Variants in DRAM2 observed in about 807,000 individuals in gnomAD.
DRAM2 encodes the protein DNA damage-regulated autophagy modulator protein 2.
A neutral mutation model predicts 33.5 loss-of-function variants in DRAM2; 26 were observed. That is an observed-to-expected ratio of 0.78 (90% CI 0.57 to 1.08). The LOEUF (loss-of-function observed/expected upper bound fraction) is 1.08, where lower values mean the gene tolerates loss of function less well. DRAM2 is among the 50% of genes least tolerant of loss of function. DRAM2 has a pLI of 0.00. For missense variants in DRAM2, 311 were observed against 318.1 expected, an observed-to-expected ratio of 0.98 and a Z score of 0.17; for synonymous variants, 98 against 109.5, an observed-to-expected ratio of 0.89 and a Z score of 0.66.
chr1:111,133,569 A>G (rs1397132769), intron 3 of DRAM2, among the ~76,000 whole-genome samples: 1 of 152,218 alleles, frequency 6.6e-6, no homozygotes, highest in Non-Finnish European at 1.5e-5. Flanking sequence ...TTACAAAAGC[A>G]AACACCTAGC....
At chr1:111,120,769 A>G (rs995652736) in intron 6 of DRAM2, 76 bp from the exon 7 acceptor site, 5 of 1,317,490 alleles carry the variant, frequency 3.8e-6, no homozygotes, top group Middle Eastern at 2.2e-4. Flanking sequence ...TAAAAGCACA[A>G]CCCAGAGATT....
At chr1:111,138,877 T>C (rs1158054566) in intron 2 of DRAM2, among the ~76,000 whole-genome samples, 1 of 152,234 alleles carries the variant, frequency 6.6e-6, no homozygotes, top group Admixed American at 6.5e-5. Context: ...TTACAATTTT[T>C]TAACAAATAT....
rs373493136 is a variant in DRAM2 at position 111,126,241 on chromosome 1, A to G, written c.185T>C (p.Ile62Thr). 18 of 1,610,362 alleles carry G rather than the reference A, an allele frequency of 1.1e-5. No homozygotes were observed. The highest frequency in any genetic ancestry group is 2.2e-5 in the South Asian group (2 of 90,862). The change falls in exon 5 of 10, where the codon ATT becomes ACT. Residue 62 changes from isoleucine to threonine, a missense_variant. Ile to Thr is a moderately conservative substitution (Grantham distance 89). Coordinates refer to ENST00000484310, the MANE Select transcript of DRAM2 (RefSeq NM_001349884.2). Reference sequence around the variant, plus strand: ...TCATTACTTACATAAAACTGCCGCAATATTTAGCATTGCCCCAAATAAGCA... The same window carrying G: ...TCATTACTTACATAAAACTGCCGCAGTATTTAGCATTGCCCCAAATAAGCA... ...EKCLFGAMLN[I>T]AAVLCIATIY...
chr1:111,132,826 T>C (rs1652374800), intron 3 of DRAM2, among the ~76,000 whole-genome samples: 1 of 151,518 alleles, frequency 6.6e-6, no homozygotes, highest in Non-Finnish European at 1.5e-5. Context: ...GGACCACAAG[T>C]AACGCACCAC....
chr1:111,135,807 C>T (rs1046273623), intron 3 of DRAM2, among the ~76,000 whole-genome samples: 8 of 152,180 alleles, frequency 5.3e-5, no homozygotes, highest in Non-Finnish European at 1.0e-4. Flanking sequence ...AAGATCCTTC[C>T]ACTTCTCTAC....
intron 6 of DRAM2, among the ~76,000 whole-genome samples, chr1:111,121,720 C>T (rs1435502252): frequency 6.6e-6 from 1 of 151,940 alleles, no homozygotes; most frequent in African/African-American, 2.4e-5. Context: ...GCAACCACAG[C>T]AATAAGAGAA....
intron 3 of DRAM2, among the ~76,000 whole-genome samples, chr1:111,136,096 T>G (rs952894886): frequency 6.6e-6 from 1 of 152,220 alleles, no homozygotes; most frequent in South Asian, 2.1e-4. Context: ...AACCATGTGA[T>G]TCTGACTTTC....
chr1:111,117,253 G>C lies in DRAM2; in HGVS notation c.*907C>G, dbSNP rs1328065627. 1 of 151,996 alleles carries C rather than the reference G, an allele frequency of 6.6e-6. No homozygotes were observed. Among genetic ancestry groups the C allele is most frequent in the Non-Finnish European group, 1.5e-5 (1 of 67,930 alleles). 9.4% of individuals were successfully genotyped at this position (151,996 alleles called of 1,614,324 possible). On this transcript the variant is annotated 3_prime_UTR_variant, in exon 10 of 10. Transcript: ENST00000484310. ...ACAAAGGTTACATCCTATTAAAAAG[G>C]CTCAATATTTACCTGTTCAAGACTA...
intron 4 of DRAM2, among the ~76,000 whole-genome samples, chr1:111,130,653 T>C (rs1651879239): frequency 1.3e-5 from 2 of 151,044 alleles, no homozygotes; most frequent in South Asian, 4.2e-4. Flanking sequence ...TGAGCCGAGA[T>C]TGTGCCACTG....
intron 1 of DRAM2, 118 bp downstream of exon 1, chr1:111,139,920 G>A (rs1571093024): frequency 6.6e-6 from 1 of 152,378 alleles, no homozygotes; most frequent in Non-Finnish European, 1.5e-5. Context: ...CGCGGGTAAG[G>A]GGGCTCCAGG....
Position 111,118,150 on chromosome 1 carries a change from T to A in DRAM2, c.*10A>T, listed in dbSNP as rs145474442. 1.1e-5 allele frequency: 18 copies of A among 1,603,440 alleles called. No individual in the cohort carries two copies. The African/African-American group carries it at 1.5e-4, about 13-fold the overall frequency. The stretch of plus-strand genomic sequence containing the variant: ...AATCATAATCATTACAGAAATATTT[T>A]ATCCTTTCATCAAATATCTCTGGAA... On this transcript the variant is annotated 3_prime_UTR_variant, in exon 10 of 10. Transcript: ENST00000484310.
chr1:111,131,516 TGAAG>T lies in DRAM2; in HGVS notation c.35_38del (p.Pro12GlnfsTer4). The stretch of plus-strand genomic sequence containing the variant: ...CAGCAGATGTCCAAATTACAAGGGC[TGAAG>T]GAAGGAAACTGAGGCCTTGCTGAAA... On this transcript the variant is annotated frameshift_variant, in exon 4 of 10. Coordinates refer to ENST00000484310, the MANE Select transcript of DRAM2 (RefSeq NM_001349884.2). LOFTEE classifies it high-confidence loss of function. 6.2e-7 allele frequency: 1 copy of T among 1,614,186 alleles called. No homozygotes were observed. The highest frequency in any genetic ancestry group is 8.5e-7 in the Non-Finnish European group (1 of 1,180,018).
intron 4 of DRAM2, among the ~76,000 whole-genome samples, chr1:111,129,251 C>T (rs1019721938): frequency 2.0e-5 from 3 of 152,128 alleles, no homozygotes; most frequent in African/African-American, 7.2e-5. Context: ...ACAACCACAA[C>T]AGCAACAAAA....
At chr1:111,118,532 G>A (rs992826072) in intron 9 of DRAM2, 4 of 493,178 alleles carry the variant, frequency 8.1e-6, no homozygotes, top group Non-Finnish European at 1.4e-5. Flanking sequence ...CTATGTAAAA[G>A]TACACAGAAT....
chr1:111,123,453 A>T (rs1004680175), intron 6 of DRAM2, among the ~76,000 whole-genome samples: 1 of 152,094 alleles, frequency 6.6e-6, no homozygotes, highest in Non-Finnish European at 1.5e-5. Context: ...TGCCATGTTC[A>T]TCTCTGCATT....
chr1:111,132,680 CTCT>C (rs1395429428), intron 3 of DRAM2, among the ~76,000 whole-genome samples: 58 of 135,456 alleles, frequency 4.3e-4, no homozygotes, highest in Non-Finnish European at 8.0e-4. Context: ...GTTTTTCTTC[CTCT>C]TTTTTTTTTT....
In DRAM2 at chr1:111,117,166, C is replaced by T. The variant is rs1443231385; in HGVS notation, c.*994G>A. ...ACACTGTTTTTGTAGATGCATGTAT[C>T]ACACTTATTTTGCATGTAGTTTAAT... On this transcript the variant is annotated 3_prime_UTR_variant, in exon 10 of 10. Coordinates refer to ENST00000484310, the MANE Select transcript of DRAM2 (RefSeq NM_001349884.2). 6.6e-6 allele frequency among the ~76,000 whole-genome samples: 1 copy of T among 152,106 alleles called. No homozygotes were observed. The highest frequency in any genetic ancestry group is 2.4e-5 in the African/African-American group (1 of 41,436).
chr1:111,119,717 T>G, intron 8 of DRAM2, 160 bp downstream of exon 8: 2 of 620,550 alleles, frequency 3.2e-6, no homozygotes, highest in Non-Finnish European at 5.6e-6. Flanking sequence ...TATGGAAGGT[T>G]CTACATAAAC....
rs1202640098 is a variant in DRAM2, at chr1:111,124,845, T to G, written c.236A>C (p.His79Pro). 1 of 1,613,274 alleles carries G rather than the reference T, an allele frequency of 6.2e-7. No homozygotes were observed. ...AACGTTCTCTTCAGGACTCAGAGCA[T>G]GAACTTGCTTATAACGAACATAAAT... The part of the protein sequence containing the change: ...ATIYVRYKQV[H>P]ALSPEENVII... Residue 79 changes from histidine (H) to proline (P), a missense_variant, in exon 6 of 10, where the codon CAT becomes CCT. By Grantham distance (77) the His-to-Pro change is moderately conservative (BLOSUM62 -2). Coordinates refer to ENST00000484310, the MANE Select transcript of DRAM2 (RefSeq NM_001349884.2).
Sources: allele counts gnomAD v4.1 joint callset (sites outside exome capture counted in the v4.1 genomes callset), GRCh38; gene constraint gnomAD v4.1.1; transcripts MANE v1.5; gene names NCBI Gene and HGNC (gene_info 2026-07-23, HGNC 2026-07-21).